PCBP3: variants seen among roughly 807,000 people sequenced by gnomAD.
PCBP3 encodes the protein poly(rC)-binding protein 3.
A neutral mutation model predicts 52.7 loss-of-function variants in PCBP3; 25 were observed. That is an observed-to-expected ratio of 0.47 (90% CI 0.35 to 0.66). PCBP3 has a LOEUF of 0.66. Ranked by LOEUF, PCBP3 falls within the 30% of genes least tolerant of loss-of-function variation. The pLI, the probability that PCBP3 is intolerant of heterozygous loss-of-function variation, is 0.01. For synonymous variants in PCBP3, 162 were observed against 183.0 expected, an observed-to-expected ratio of 0.89 and a Z score of 0.93; for missense variants, 391 against 490.3, an observed-to-expected ratio of 0.80 and a Z score of 1.91.
rs59103145 is a variant in PCBP3 at position 45,931,787 on chromosome 21, A to C, written c.856+942A>C. ...ATGCTGTCCTGAAATGAATGAACAC[A>C]TCGGCCATGCTGTCCTGAGATGAAT... On this transcript the variant is annotated intron_variant, in intron 15 of 17. Transcript: ENST00000681687. 4.8e-3 allele frequency among the ~76,000 whole-genome samples: 704 copies of C among 147,394 alleles called. 5 individuals are homozygous for C. Among genetic ancestry groups the C allele is most frequent in the African/African-American group, 0.017 (667 of 39,088 alleles).
intron 4 of PCBP3, among the ~76,000 whole-genome samples, chr21:45,803,766 G>T (rs1237948993): frequency 2.0e-5 from 3 of 152,160 alleles, no homozygotes; most frequent in African/African-American, 7.2e-5. Context: ...GCTTCTCCAG[G>T]ACCCAGATGG....
intron 2 of PCBP3, among the ~76,000 whole-genome samples, chr21:45,691,114 TAAAA>T (rs1391556253): frequency 1.3e-5 from 2 of 151,892 alleles, no homozygotes; most frequent in African/African-American, 4.8e-5. Flanking sequence ...TAGGAACAAT[TAAAA>T]AATCTATCAA....
At chr21:45,789,378 A>G (rs889018670) in intron 4 of PCBP3, among the ~76,000 whole-genome samples, 3 of 152,068 alleles carry the variant, frequency 2.0e-5, no homozygotes, top group Admixed American at 6.5e-5. Context: ...TTGTGTGCCT[A>G]TGAGTGCACG....
At chr21:45,772,724 C>T (rs1451027816) in intron 4 of PCBP3, among the ~76,000 whole-genome samples, 1 of 152,088 alleles carries the variant, frequency 6.6e-6, no homozygotes, top group African/African-American at 2.4e-5. Context: ...CTCACCAACA[C>T]CTGTTATTTT....
Position 45,906,170 on chromosome 21 carries a change from C to T in PCBP3, c.340-3185C>T, listed in dbSNP as rs566480689. Among the ~76,000 whole-genome samples the T allele has an allele frequency of 1.6e-3, 248 of 152,310 alleles. 1 individual carries two copies. The highest frequency in any genetic ancestry group is 5.6e-3 in the African/African-American group (233 of 41,564). On this transcript the variant is annotated intron_variant, in intron 9 of 17. Transcript: ENST00000681687. ...AAACATGCTCACTCTCCTGGTCTAG[C>T]GGCAGCCCTGGAGGGGCAGCGTGAA...
chr21:45,815,972 A>G (rs867685927), intron 4 of PCBP3, among the ~76,000 whole-genome samples: 9 of 39,332 alleles, frequency 2.3e-4, no homozygotes, highest in South Asian at 1.3e-3. Flanking sequence ...GTAGTGAGTG[A>G]TGAGTGGTGA....
chr21:45,922,234 T>C (rs1375689240), intron 13 of PCBP3, among the ~76,000 whole-genome samples: 1 of 152,202 alleles, frequency 6.6e-6, no homozygotes, highest in African/African-American at 2.4e-5. Flanking sequence ...AATTGTTTTT[T>C]CTGGAAGAAA....
At chr21:45,941,619 G>A in intron 17 of PCBP3, 51 bp from the exon 18 acceptor site, 2 of 1,558,756 alleles carry the variant, frequency 1.3e-6, no homozygotes, top group Non-Finnish European at 1.7e-6. Context: ...GCCCACTGAT[G>A]AGGGCGTTGG....
chr21:45,716,602 G>T (rs2084243199), intron 2 of PCBP3, among the ~76,000 whole-genome samples: 1 of 152,050 alleles, frequency 6.6e-6, no homozygotes, highest in Admixed American at 6.5e-5. Context: ...TTGGATTAGG[G>T]CCCCACCCTT....
chr21:45,666,390 C>CAG (rs74310039), intron 1 of PCBP3, among the ~76,000 whole-genome samples: 36,097 of 152,012 alleles, frequency 0.24, 5,125 homozygotes, highest in African/African-American at 0.39. Context: ...GGGTTACAAA[C>CAG]AAGTTACATT....
At chr21:45,825,407 G>T (rs2093280462) in intron 4 of PCBP3, among the ~76,000 whole-genome samples, 1 of 152,046 alleles carries the variant, frequency 6.6e-6, no homozygotes, top group African/African-American at 2.4e-5. Context: ...GCCGTGGAGA[G>T]CCCAGGACCT....
chr21:45,850,038 C>T lies in PCBP3; in HGVS notation c.-48C>T. The T allele has an allele frequency of 1.3e-6, 2 of 1,526,606 alleles. No homozygotes were observed. Among genetic ancestry groups the T allele is most frequent in the Non-Finnish European group, 1.8e-6 (2 of 1,124,074 alleles). The allele number at this position is 1,526,606 out of a possible 1,614,324, so 94.6% of individuals were successfully genotyped here. A position where few individuals can be genotyped will look rare whatever the true frequency, so the allele number is the denominator to read the frequency against. On this transcript the variant is annotated 5_prime_UTR_variant, in exon 5 of 18. Transcript: ENST00000681687. ...TTATGATGCTCTGAGTTCAATACGT[C>T]TGAACCTTTGCTGTCTATGGATCTG... is the stretch of plus-strand genomic sequence containing the variant.
At chr21:45,905,110 C>G (rs2096166775) in intron 9 of PCBP3, among the ~76,000 whole-genome samples, 1 of 152,212 alleles carries the variant, frequency 6.6e-6, no homozygotes, top group Non-Finnish European at 1.5e-5. Flanking sequence ...TTTTCAAAAT[C>G]AGGGGCGAAG....
At chr21:45,843,488 A>G (rs530477026) in intron 4 of PCBP3, among the ~76,000 whole-genome samples, 1 of 152,100 alleles carries the variant, frequency 6.6e-6, no homozygotes, top group Non-Finnish European at 1.5e-5. Context: ...TTTAAATGGG[A>G]TTCGTGACTC....
chr21:45,774,344 T>G (rs944504022), intron 4 of PCBP3, among the ~76,000 whole-genome samples: 2 of 150,242 alleles, frequency 1.3e-5, no homozygotes, highest in Non-Finnish European at 3.0e-5. Flanking sequence ...GAACCGAGAT[T>G]GCGCCACTGC....
chr21:45,646,124 T>TGTGTGTGTGTGC, intron 1 of PCBP3, among the ~76,000 whole-genome samples: 1 of 149,658 alleles, frequency 6.7e-6, no homozygotes, highest in South Asian at 2.1e-4. Context: ...TGTGTGTGTG[T>TGTGTGTGTGTGC]GTGTGTGTGT....
chr21:45,875,711 C>T (rs1384332943), intron 5 of PCBP3, among the ~76,000 whole-genome samples: 1 of 152,232 alleles, frequency 6.6e-6, no homozygotes, highest in East Asian at 1.9e-4. Flanking sequence ...TGGGAAGTAC[C>T]GCTCATTCGC....
intron 5 of PCBP3, among the ~76,000 whole-genome samples, chr21:45,851,643 G>A (rs73234766): frequency 0.027 from 3,087 of 113,952 alleles, 124 homozygotes; most frequent in African/African-American, 0.086. Flanking sequence ...AGATAGATAG[G>A]TAAAGAAATA....
Position 45,914,035 on chromosome 21 carries a change from G to A in PCBP3, c.675+10G>A, listed in dbSNP as rs191931380. 3.3e-4 allele frequency: 539 copies of A among 1,613,406 alleles called. 2 individuals carry two copies. In the East Asian group the frequency reaches 0.012, roughly 34 times the overall value. ...TTTTGCAGGTGGTCAGGTAAGAGCC[G>A]ATCCGCTCGCGGCCTCCACTGCCAA... is the stretch of plus-strand genomic sequence containing the variant. On this transcript the variant is annotated intron_variant, in intron 12 of 17. Transcript: ENST00000681687.
Sources: gnomAD v4.1 joint callset for allele counts (sites outside exome capture counted in the v4.1 genomes callset) on GRCh38, gnomAD v4.1.1 for gene constraint, MANE v1.5 for transcripts, NCBI Gene and HGNC (gene_info 2026-07-23, HGNC 2026-07-21) for gene names.